The following RALA variants were observed in gnomAD, a reference collection of about 807,000 sequenced individuals.
The protein encoded by RALA is ras-related protein Ral-A.
RALA carries 5 observed loss-of-function variants against 24.0 expected under a neutral mutation model. The ratio of observed to expected loss-of-function variants is 0.21; its 90% CI spans 0.11 to 0.44. The LOEUF (loss-of-function observed/expected upper bound fraction) is 0.44. RALA is among the 20% of genes least tolerant of loss of function. The probability of loss-of-function intolerance (pLI) is 0.99; values close to 1 mark genes in which losing one functional copy is unlikely to be tolerated. For synonymous variants in RALA, 77 were observed against 83.8 expected, an observed-to-expected ratio of 0.92 and a Z score of 0.44; for missense variants, 95 against 241.2, an observed-to-expected ratio of 0.39 and a Z score of 4.01.
chr7:39,678,905 A>G (rs1583742028), intron 1 of RALA, among the ~76,000 whole-genome samples: 1 of 152,036 alleles, frequency 6.6e-6, no homozygotes, highest in East Asian at 1.9e-4. Flanking sequence ...AAAATGGTAT[A>G]CTCTCTCACC....
chr7:39,659,053 G>A (rs146270476), intron 1 of RALA, among the ~76,000 whole-genome samples: 10 of 152,250 alleles, frequency 6.6e-5, no homozygotes, highest in Non-Finnish European at 1.3e-4. Flanking sequence ...GCCGAGGCAG[G>A]CAGATCACTT....
chr7:39,655,122 C>T (rs571129646), intron 1 of RALA, among the ~76,000 whole-genome samples: 1 of 152,288 alleles, frequency 6.6e-6, no homozygotes, highest in African/African-American at 2.4e-5. Context: ...GTGATTCTTT[C>T]TTTACTGAAT....
chr7:39,690,287 T>G (rs1359078788), intron 2 of RALA, 95 bp from the exon 3 acceptor site: 1 of 1,014,012 alleles, frequency 9.9e-7, no homozygotes, highest in African/African-American at 1.6e-5. Flanking sequence ...ACTCTTCTTG[T>G]ACTATTTTGG....
intron 1 of RALA, among the ~76,000 whole-genome samples, chr7:39,642,846 G>A (rs772388278): frequency 6.6e-6 from 1 of 152,216 alleles, no homozygotes; most frequent in Non-Finnish European, 1.5e-5. Flanking sequence ...AATAATGGAA[G>A]CTGGCTGTCG....
chr7:39,675,681 G>A (rs1263617318), intron 1 of RALA, among the ~76,000 whole-genome samples: 1 of 150,778 alleles, frequency 6.6e-6, no homozygotes, highest in African/African-American at 2.4e-5. Flanking sequence ...AGCTGTGATG[G>A]TACCATTACA....
intron 1 of RALA, among the ~76,000 whole-genome samples, chr7:39,669,808 T>TA (rs35648613): frequency 0.35 from 46,224 of 133,668 alleles, 8,222 homozygotes; most frequent in Non-Finnish European, 0.4. Flanking sequence ...TCTGTCTCTT[T>TA]AAAAAAAAAA....
At chr7:39,700,385 AGAT>A (rs1435413020) in intron 4 of RALA, 2 of 152,246 alleles carry the variant, frequency 1.3e-5, no homozygotes, top group Non-Finnish European at 2.9e-5. Flanking sequence ...TGGCTCAGCC[AGAT>A]GATGCTGGCC....
intron 4 of RALA, among the ~76,000 whole-genome samples, chr7:39,698,813 C>T (rs1257162362): frequency 6.6e-6 from 1 of 152,056 alleles, no homozygotes; most frequent in Admixed American, 6.6e-5. Context: ...ACAGCTCTTA[C>T]AGGACAAAAG....
chr7:39,629,698 C>T (rs1360785337), intron 1 of RALA, among the ~76,000 whole-genome samples: 3 of 152,290 alleles, frequency 2.0e-5, no homozygotes, highest in Non-Finnish European at 2.9e-5. Context: ...TAGGTTCAAG[C>T]GATTTTCCTG....
chr7:39,698,861 C>T (rs1283598261), intron 4 of RALA, among the ~76,000 whole-genome samples: 2 of 152,018 alleles, frequency 1.3e-5, no homozygotes, highest in Non-Finnish European at 2.9e-5. Flanking sequence ...ACTGGCATGT[C>T]GTAGAAAGGA....
At chr7:39,692,353 C>T (rs1259132941) in intron 3 of RALA, among the ~76,000 whole-genome samples, 10 of 152,086 alleles carry the variant, frequency 6.6e-5, no homozygotes, top group Non-Finnish European at 1.3e-4. Context: ...TGCCATAGTT[C>T]ATAGCATATA....
intron 1 of RALA, among the ~76,000 whole-genome samples, chr7:39,641,893 T>C (rs1791824028): frequency 6.6e-6 from 1 of 152,248 alleles, no homozygotes; most frequent in African/African-American, 2.4e-5. Context: ...TATCTTTGGA[T>C]ACTGTGTGGA....
At chr7:39,640,915 C>T (rs75376854) in intron 1 of RALA, among the ~76,000 whole-genome samples, 2 of 152,170 alleles carry the variant, frequency 1.3e-5, no homozygotes, top group Admixed American at 6.5e-5. Context: ...TCTTCTACTT[C>T]CTTCTCCATT....
intron 1 of RALA, among the ~76,000 whole-genome samples, chr7:39,629,406 CTTTCT>C (rs571455780): frequency 2.0e-5 from 3 of 152,016 alleles, no homozygotes; most frequent in Non-Finnish European, 4.4e-5. Context: ...TATTTGCTCA[CTTTCT>C]TTTCTTTTCT....
chr7:39,659,010 T>C (rs1034475632), intron 1 of RALA, among the ~76,000 whole-genome samples: 2 of 152,200 alleles, frequency 1.3e-5, no homozygotes, highest in African/African-American at 4.8e-5. Context: ...CCGGGTGTGA[T>C]GTCTCATACC....
At chr7:39,630,019 A>G (rs1377712875) in intron 1 of RALA, among the ~76,000 whole-genome samples, 1 of 151,880 alleles carries the variant, frequency 6.6e-6, no homozygotes, top group East Asian at 1.9e-4. Flanking sequence ...GTGAGCCACC[A>G]TGCCGAGCTT....
intron 2 of RALA, among the ~76,000 whole-genome samples, chr7:39,688,181 A>G (rs1792742760): frequency 6.6e-6 from 1 of 152,216 alleles, no homozygotes; most frequent in Admixed American, 6.5e-5. Flanking sequence ...AGGCTGGAGA[A>G]TCACTTGAGG....
At chr7:39,672,292 ACTACATGAAAAGAG>A in intron 1 of RALA, among the ~76,000 whole-genome samples, 1 of 152,360 alleles carries the variant, frequency 6.6e-6, no homozygotes, top group Admixed American at 6.5e-5. Context: ...ATGGCAAGTA[ACTACATGAAAAGAG>A]CTCAACATGA....
chr7:39,662,236 A>AT (rs1369367657), intron 1 of RALA, among the ~76,000 whole-genome samples: 2 of 115,798 alleles, frequency 1.7e-5, no homozygotes, highest in African/African-American at 5.5e-5. Context: ...TACCCTGGAG[A>AT]CATTTTCCCC....
Sources: allele counts gnomAD v4.1 joint callset (sites outside exome capture counted in the v4.1 genomes callset), GRCh38; gene constraint gnomAD v4.1.1; transcripts MANE v1.5; gene names NCBI Gene and HGNC (gene_info 2026-07-23, HGNC 2026-07-21).